Variants in FGF14 observed in about 807,000 individuals in gnomAD.
FGF14 encodes fibroblast growth factor homologous factor 4.
Under a neutral mutation model 25.5 loss-of-function variants are expected in FGF14, and 5 were observed. The ratio of observed to expected loss-of-function variants is 0.20; its 90% CI spans 0.10 to 0.41. The LOEUF is 0.41. FGF14 is among the 10% of genes least tolerant of loss of function. The pLI, the probability that FGF14 is intolerant of heterozygous loss-of-function variation, is 1.00. For synonymous variants in FGF14, 138 were observed against 118.3 expected (o/e 1.17, Z -1.08); for missense variants, 222 against 320.1 (o/e 0.69, Z 2.34).
At chr13:102,398,705 A>C (rs975243101) in intron 1 of FGF14, among the ~76,000 whole-genome samples, 15 of 152,108 alleles carry the variant, frequency 9.9e-5, no homozygotes, top group African/African-American at 3.6e-4. Context: ...TGGGATCAAA[A>C]ACCTGCAAAA....
At chr13:102,104,928 A>G (rs2044835141) in intron 1 of FGF14, among the ~76,000 whole-genome samples, 1 of 152,210 alleles carries the variant, frequency 6.6e-6, no homozygotes, top group Admixed American at 6.5e-5. Flanking sequence ...AGGGGTATTT[A>G]GAGATTAAAT....
At position 101,817,256 on chromosome 13, in the gene FGF14, T is replaced by G. The variant is rs193127745; in HGVS notation, c.408+51469A>C. Among the ~76,000 whole-genome samples the G allele has an allele frequency of 3.6e-3, 549 of 152,330 alleles. 5 individuals carry two copies. Among genetic ancestry groups the G allele is most frequent in the African/African-American group, 0.013 (527 of 41,574 alleles). On this transcript the variant is annotated intron_variant, in intron 3 of 4. Coordinates refer to ENST00000376143, the MANE Select transcript of FGF14 (RefSeq NM_004115.4). The stretch of plus-strand genomic sequence containing the variant: ...TTTTATATAATCATTGCTTAAGAAA[T>G]GATTCCCTCTTTTTCCTTTTTTTTT...
chr13:102,381,812 T>A (rs1291049730), intron 1 of FGF14, among the ~76,000 whole-genome samples: 1 of 152,196 alleles, frequency 6.6e-6, no homozygotes, highest in Non-Finnish European at 1.5e-5. Context: ...CACCAGGACA[T>A]TTTTAGAGTG....
At chr13:102,174,592 T>A (rs942592260) in intron 1 of FGF14, among the ~76,000 whole-genome samples, 1 of 152,082 alleles carries the variant, frequency 6.6e-6, no homozygotes, top group African/African-American at 2.4e-5. Flanking sequence ...ATATAAAATC[T>A]CTACAAGGAG....
In FGF14 at chr13:101,934,768, C is replaced by A. The variant is rs1306587835; in HGVS notation, c.209-59472G>T. Among the ~76,000 whole-genome samples the A allele has an allele frequency of 2.0e-5, 3 of 152,186 alleles. No individual in the cohort carries two copies. In the South Asian group the frequency reaches 6.2e-4, roughly 32 times the overall value. On this transcript the variant is annotated intron_variant, in intron 1 of 4. Coordinates refer to the FGF14 transcript ENST00000376131. ...GCCATTTTCTATACATGAAGACCCC[C>A]TGATGGTTGGTGGAGATTGGGAGAA... is the stretch of plus-strand genomic sequence containing the variant.
chr13:102,158,546 A>G (rs1446179498), intron 1 of FGF14, among the ~76,000 whole-genome samples: 1 of 151,088 alleles, frequency 6.6e-6, no homozygotes, highest in Admixed American at 6.6e-5. Context: ...GGGGGGGGAT[A>G]CATTAGGAGA....
chr13:102,064,131 T>C (rs2042804025), intron 1 of FGF14, among the ~76,000 whole-genome samples: 1 of 152,094 alleles, frequency 6.6e-6, no homozygotes, highest in African/African-American at 2.4e-5. Flanking sequence ...AAATGAATGA[T>C]AGGTTTAGGA....
At chr13:101,886,234 T>C (rs1022525895) in intron 1 of FGF14, among the ~76,000 whole-genome samples, 1 of 152,088 alleles carries the variant, frequency 6.6e-6, no homozygotes, top group Non-Finnish European at 1.5e-5. Context: ...GAAGTAACTA[T>C]AAAAATGCTT....
intron 1 of FGF14, among the ~76,000 whole-genome samples, chr13:102,361,773 C>A (rs1429837462): frequency 6.6e-6 from 1 of 152,092 alleles, no homozygotes; most frequent in Non-Finnish European, 1.5e-5. Flanking sequence ...CAAACTGAAC[C>A]AATTGGATGT....
At chr13:102,082,632 C>T (rs2043680326) in intron 1 of FGF14, among the ~76,000 whole-genome samples, 1 of 152,196 alleles carries the variant, frequency 6.6e-6, no homozygotes, top group Non-Finnish European at 1.5e-5. Context: ...GTATAATATT[C>T]CAAACTCAAA....
intron 1 of FGF14, among the ~76,000 whole-genome samples, chr13:102,387,010 G>C (rs766643409): frequency 6.6e-6 from 1 of 152,074 alleles, no homozygotes; most frequent in Non-Finnish European, 1.5e-5. Context: ...ACCTAAAATG[G>C]ACCCTTCCCC....
At chr13:101,854,906 G>C (rs2044042859) in intron 3 of FGF14, among the ~76,000 whole-genome samples, 1 of 152,016 alleles carries the variant, frequency 6.6e-6, no homozygotes, top group African/African-American at 2.4e-5. Context: ...ACAAATGAGT[G>C]TGCAGGAAAA....
chr13:101,741,883 T>C (rs901647463), intron 3 of FGF14, among the ~76,000 whole-genome samples: 2 of 152,132 alleles, frequency 1.3e-5, no homozygotes, highest in East Asian at 3.9e-4. Flanking sequence ...TAGCACACCT[T>C]TTTACATAGC....
At chr13:101,729,359 G>A (rs182654759) in intron 3 of FGF14, among the ~76,000 whole-genome samples, 128 of 152,176 alleles carry the variant, frequency 8.4e-4, no homozygotes, top group African/African-American at 3.1e-3. Context: ...AATAATCCCA[G>A]CATTTCCTAT....
intron 1 of FGF14, among the ~76,000 whole-genome samples, chr13:102,160,114 T>TG (rs1391549182): frequency 6.6e-6 from 1 of 152,088 alleles, no homozygotes; most frequent in African/African-American, 2.4e-5. Context: ...GGCTCCAATA[T>TG]GGGGGGCTCT....
At chr13:102,366,899 A>C (rs1047528180) in intron 1 of FGF14, among the ~76,000 whole-genome samples, 1 of 152,186 alleles carries the variant, frequency 6.6e-6, no homozygotes, top group Non-Finnish European at 1.5e-5. Context: ...ATTAAAGTAA[A>C]TAATAAGATG....
intron 1 of FGF14, among the ~76,000 whole-genome samples, chr13:102,004,444 A>G (rs2039673173): frequency 6.6e-6 from 1 of 152,190 alleles, no homozygotes; most frequent in Non-Finnish European, 1.5e-5. Flanking sequence ...TTTTGAAACC[A>G]GAGACACTTC....
At chr13:102,285,139 AG>A in intron 1 of FGF14, among the ~76,000 whole-genome samples, 1 of 152,210 alleles carries the variant, frequency 6.6e-6, no homozygotes, top group East Asian at 1.9e-4. Flanking sequence ...CTAATGTCAG[AG>A]GAAATTTTTT....
At chr13:102,360,327 A>G (rs2057531479) in intron 1 of FGF14, among the ~76,000 whole-genome samples, 1 of 152,184 alleles carries the variant, frequency 6.6e-6, no homozygotes, top group Non-Finnish European at 1.5e-5. Context: ...TAGCCTACAA[A>G]ATAATTAAAT....
Sources: allele counts gnomAD v4.1 joint callset (sites outside exome capture counted in the v4.1 genomes callset), GRCh38; gene constraint gnomAD v4.1.1; transcripts MANE v1.5; gene names NCBI Gene and HGNC (gene_info 2026-07-23, HGNC 2026-07-21).